Variants in RHBDD2 observed in about 807,000 individuals in gnomAD.
RHBDD2 encodes rhomboid domain containing 2, also known as rhomboid domain-containing protein 2.
Under a neutral mutation model 21.7 loss-of-function variants are expected in RHBDD2, and 13 were observed. The observed-to-expected ratio is 0.60, with a 90% CI of 0.39 to 0.95. The LOEUF (loss-of-function observed/expected upper bound fraction) is 0.95. Ranked by LOEUF, RHBDD2 falls within the 40% of genes least tolerant of loss-of-function variation. The pLI is 0.00. For synonymous variants in RHBDD2, 225 were observed against 220.0 expected, an observed-to-expected ratio of 1.02 and a Z score of -0.20; for missense variants, 473 against 478.9, an observed-to-expected ratio of 0.99 and a Z score of 0.11.
At position 75,883,914 on chromosome 7, in the gene RHBDD2, A is replaced by G. The variant is rs559297422; in HGVS notation, c.737+66A>G. 4.7e-5 allele frequency: 60 copies of G among 1,277,528 alleles called. 2 individuals are homozygous for G. The South Asian group carries it at 8.7e-4, about 18-fold the overall frequency. The allele number at this position is 1,277,528 out of a possible 1,614,324, so 79.1% of individuals were successfully genotyped here. On this transcript the variant is annotated intron_variant, in intron 3 of 3. Coordinates refer to ENST00000006777, the MANE Select transcript of RHBDD2 (RefSeq NM_001040456.3). ...AAAAAAAAATTATTTTTTTTTTTTG[A>G]GACGGAGTCTCACTCTGTCACCCAG...
rs116629298 is a variant in RHBDD2, at chr7:75,883,737, G to A, written c.626G>A (p.Arg209Gln). 152 of 1,613,652 alleles carry A rather than the reference G, an allele frequency of 9.4e-5. No individual in the cohort carries two copies. The African/African-American group carries it at 1.5e-3, about 16-fold the overall frequency. ...TGCTATTCCATCGACCTCTCAGAGC[G>A]AGTGGCACTGAAGCTCGATCAGACC... The part of the protein sequence containing the change: ...TYCYSIDLSE[R>Q]VALKLDQTFP... Residue 209 changes from arginine (R) to glutamine (Q), a missense_variant, in exon 3 of 4, where the codon CGA (arginine) becomes CAA (glutamine). By Grantham distance (43) the Arg-to-Gln change is conservative. Coordinates refer to ENST00000006777, the MANE Select transcript of RHBDD2 (RefSeq NM_001040456.3).
chr7:75,879,070 A>G lies in RHBDD2; in HGVS notation c.-13A>G, dbSNP rs1469467284. 1.3e-4 allele frequency: 180 copies of G among 1,364,502 alleles called. No individual in the cohort carries two copies. Among genetic ancestry groups the G allele is most frequent in the Non-Finnish European group, 1.6e-4 (173 of 1,054,522 alleles). The allele number at this position is 1,364,502 out of a possible 1,614,324, so 84.5% of individuals were successfully genotyped here. On this transcript the variant is annotated 5_prime_UTR_variant, in exon 1 of 4. Transcript: ENST00000006777. ...AGCCGGCGTCGAGGCGGGGCGCGGG[A>G]ACGACGGCGGCCATGGCGGCCTCGG... is the stretch of plus-strand genomic sequence containing the variant.
Position 75,881,960 on chromosome 7 carries a change from GTGATC to G in RHBDD2, c.312_316del (p.Ile105ArgfsTer80). 1 of 1,614,228 alleles carries G rather than the reference GTGATC, an allele frequency of 6.2e-7. No homozygotes were observed. Among genetic ancestry groups the G allele is most frequent in the African/African-American group, 1.3e-5 (1 of 75,068 alleles). The stretch of plus-strand genomic sequence containing the variant: ...CACCGTCCGCCACTGCTTCTTCACC[GTGATC>G]TTCGCCATCTTCTCCGCTATCATCT... On this transcript the variant is annotated frameshift_variant, in exon 2 of 4. Transcript: ENST00000006777. LOFTEE classifies it high-confidence loss of function.
chr7:75,882,991 G>A (rs1554542920), intron 2 of RHBDD2, among the ~76,000 whole-genome samples: 1 of 152,176 alleles, frequency 6.6e-6, no homozygotes, highest in South Asian at 2.1e-4. Flanking sequence ...TGGTCGCACT[G>A]AGGCAGGTGC....
At chr7:75,884,967 A>T (rs1805564300) in intron 3 of RHBDD2, among the ~76,000 whole-genome samples, 1 of 151,926 alleles carries the variant, frequency 6.6e-6, no homozygotes, top group East Asian at 1.9e-4. Flanking sequence ...TACAAAAATT[A>T]TCCAAGCGTG....
At chr7:75,879,380 G>A (rs2115968900) in intron 1 of RHBDD2, 120 bp downstream of exon 1, 7 of 970,366 alleles carry the variant, frequency 7.2e-6, no homozygotes, top group Non-Finnish European at 9.9e-6. Context: ...CCCCTGTCTC[G>A]GTCCTCATCA....
rs782531211 is a variant in RHBDD2 at position 75,883,808 on chromosome 7, T to C, written c.697T>C (p.Ser233Pro). 1 of 1,613,974 alleles carries C rather than the reference T, an allele frequency of 6.2e-7. No homozygotes were observed. The highest frequency in any genetic ancestry group is 8.5e-7 in the Non-Finnish European group (1 of 1,179,950). ...GAGGATATCCGTGTTCAAGTACGTCTCAGGGTCTTCAGCCGAGAGGAGGGC... is the reference window on the plus strand; with the variant it reads ...GAGGATATCCGTGTTCAAGTACGTCCCAGGGTCTTCAGCCGAGAGGAGGGC... ...MRRISVFKYV[S>P]GSSAERRAAQ... The change falls in exon 3 of 4, where the codon TCA becomes CCA. Residue 233 changes from serine to proline, a missense_variant. Ser to Pro is a moderately conservative substitution (Grantham distance 74). Transcript: ENST00000006777.
At chr7:75,880,536 A>T (rs1554542276) in intron 1 of RHBDD2, among the ~76,000 whole-genome samples, 1 of 152,128 alleles carries the variant, frequency 6.6e-6, no homozygotes, top group African/African-American at 2.4e-5. Context: ...TTGTTACTTT[A>T]CAGTGAGGAA....
At chr7:75,881,467 C>T (rs1554542471) in intron 1 of RHBDD2, 7 of 1,302,466 alleles carry the variant, frequency 5.4e-6, no homozygotes, top group South Asian at 2.5e-5. Flanking sequence ...ACTTAATTAA[C>T]CCTCAAACTG....
chr7:75,883,654 C>T, intron 2 of RHBDD2, 44 bp from the exon 3 acceptor site: 1 of 1,589,990 alleles, frequency 6.3e-7, no homozygotes, highest in Non-Finnish European at 8.6e-7. Context: ...GTTCGGCCCT[C>T]CTCCCTTTGC....
At chr7:75,885,895 C>G (rs1435496071) in intron 3 of RHBDD2, among the ~76,000 whole-genome samples, 1 of 152,112 alleles carries the variant, frequency 6.6e-6, no homozygotes, top group African/African-American at 2.4e-5. Context: ...GAAATGGAGT[C>G]TCACTCTGTG....
At position 75,881,929 on chromosome 7, in the gene RHBDD2, C is replaced by T. The variant is rs372131603; in HGVS notation, c.279C>T (p.Thr93=). ...IWRFAGNFER[T]VGTVRHCFFT... is the part of the protein sequence containing the mutation. ...GCTTTGCTGGCAATTTCGAGAGAAC[C>T]GTGGGCACCGTCCGCCACTGCTTCT... Residue 93 remains threonine (T), a synonymous_variant, in exon 2 of 4, where the codon ACC becomes ACT. Transcript: ENST00000006777. 3.0e-5 allele frequency: 49 copies of T among 1,614,114 alleles called. No homozygotes were observed. Among genetic ancestry groups the T allele is most frequent in the Admixed American group, 5.0e-5 (3 of 60,010 alleles).
At chr7:75,885,799 G>A (rs1194546607) in intron 3 of RHBDD2, among the ~76,000 whole-genome samples, 6 of 152,042 alleles carry the variant, frequency 3.9e-5, no homozygotes, top group Admixed American at 2.6e-4. Flanking sequence ...AGCCACTCAC[G>A]CAAGGTCTGC....
At chr7:75,883,497 T>C in intron 2 of RHBDD2, 2 of 454,456 alleles carry the variant, frequency 4.4e-6, no homozygotes, top group Non-Finnish European at 7.9e-6. Flanking sequence ...CAGCCTGGGC[T>C]GCTAGAGTGA....
At position 75,882,028 on chromosome 7, in the gene RHBDD2, G is replaced by A. The variant is rs1554542679; in HGVS notation, c.378G>A (p.Leu126=). ...SFEAVSSLSK[L]GEVEDARGFT... ...AGGCTGTGTCATCACTGTCAAAGCT[G>A]GGGGAAGTGGAGGATGCCAGAGGTT... Residue 126 remains leucine, a synonymous_variant, in exon 2 of 4, where the codon CTG becomes CTA. Coordinates refer to ENST00000006777, the MANE Select transcript of RHBDD2 (RefSeq NM_001040456.3). 1.9e-6 allele frequency: 3 copies of A among 1,614,206 alleles called. No individual in the cohort carries two copies. The highest frequency in any genetic ancestry group is 2.5e-6 in the Non-Finnish European group (3 of 1,180,022).
At chr7:75,880,937 G>A (rs1805289532) in intron 1 of RHBDD2, among the ~76,000 whole-genome samples, 1 of 151,970 alleles carries the variant, frequency 6.6e-6, no homozygotes, top group Non-Finnish European at 1.5e-5. Context: ...ATGTTACCTA[G>A]GCTGGTCTTG....
rs1805831113 is a variant in RHBDD2 at position 75,888,437 on chromosome 7, ATG to A, written c.*91_*92del. ...CAAAAGTTACTTATTGAACACCTCT[ATG>A]TGCCAGGCTCTGTGTTGGGTACTTT... On this transcript the variant is annotated 3_prime_UTR_variant, in exon 4 of 4. Transcript: ENST00000006777. The A allele has an allele frequency of 9.7e-7, 1 of 1,031,168 alleles. No individual in the cohort carries two copies. The highest frequency in any genetic ancestry group is 1.4e-5 in the South Asian group (1 of 70,416). 63.9% of individuals were successfully genotyped at this position (1,031,168 alleles called of 1,614,324 possible).
chr7:75,880,619 C>T (rs1401673197), intron 1 of RHBDD2, among the ~76,000 whole-genome samples: 2 of 152,142 alleles, frequency 1.3e-5, no homozygotes, highest in African/African-American at 2.4e-5. Flanking sequence ...GATTCCACTC[C>T]AAGTCTTTAG....
At position 75,882,001 on chromosome 7, in the gene RHBDD2, C is replaced by T. The variant is rs782251279; in HGVS notation, c.351C>T (p.Phe117=). The T allele has an allele frequency of 1.2e-5, 19 of 1,614,096 alleles. No individual in the cohort carries two copies. Among genetic ancestry groups the T allele is most frequent in the African/African-American group, 5.3e-5 (4 of 74,938 alleles). The change falls in exon 2 of 4, where the codon TTC becomes TTT. Residue 117 remains phenylalanine (F), a synonymous_variant. Transcript: ENST00000006777. Reference sequence around the variant, plus strand: ...TCTCCGCTATCATCTTCCTGTCATTCGAGGCTGTGTCATCACTGTCAAAGC... The same window carrying T: ...TCTCCGCTATCATCTTCCTGTCATTTGAGGCTGTGTCATCACTGTCAAAGC... ...AIFSAIIFLS[F]EAVSSLSKLG...
Sources: allele counts gnomAD v4.1 joint callset (sites outside exome capture counted in the v4.1 genomes callset), GRCh38; gene constraint gnomAD v4.1.1; transcripts MANE v1.5; gene names NCBI Gene and HGNC (gene_info 2026-07-23, HGNC 2026-07-21).